The following DNAJC15 variants were observed in gnomAD, a reference collection of about 807,000 sequenced individuals.
DNAJC15 encodes the protein DnaJ heat shock protein family (Hsp40) member C15.
Under a neutral mutation model 22.4 loss-of-function variants are expected in DNAJC15, and 27 were observed. The ratio of observed to expected loss-of-function variants is 1.20; its 90% CI spans 0.89 to 1.66. The LOEUF is 1.66. Among genes scored for constraint, DNAJC15 ranks in the 40% most tolerant of loss-of-function variants. DNAJC15 has a pLI of 0.00. For synonymous variants in DNAJC15, 79 were observed against 63.2 expected, an observed-to-expected ratio of 1.25 and a Z score of -1.19; for missense variants, 208 against 187.1, an observed-to-expected ratio of 1.11 and a Z score of -0.65.
At chr13:43,087,464 A>G (rs1327371841) in intron 5 of DNAJC15, among the ~76,000 whole-genome samples, 1 of 152,240 alleles carries the variant, frequency 6.6e-6, no homozygotes, top group Non-Finnish European at 1.5e-5. Flanking sequence ...TGGGAAGCTA[A>G]CAGATTTTAA....
chr13:43,102,628 T>C (rs183055743), intron 5 of DNAJC15, among the ~76,000 whole-genome samples: 225 of 152,108 alleles, frequency 1.5e-3, no homozygotes, highest in Non-Finnish European at 2.6e-3. Flanking sequence ...AATTAATAAA[T>C]ATATATTTAT....
rs537144534 is a variant in DNAJC15 at position 43,084,944 on chromosome 13, G to A, written c.312-824G>A. On this transcript the variant is annotated intron_variant, in intron 4 of 5. Transcript: ENST00000379221. ...ATTCCAGGTACTGTTCTAACATTTC[G>A]TAGGCATTAACTCATTTAATCCTTA... Among the ~76,000 whole-genome samples the A allele has an allele frequency of 6.6e-5, 10 of 152,176 alleles. No individual in the cohort carries two copies. In the South Asian group the frequency reaches 8.3e-4, roughly 13 times the overall value.
At chr13:43,089,917 T>C (rs1183887446) in intron 5 of DNAJC15, among the ~76,000 whole-genome samples, 2 of 152,208 alleles carry the variant, frequency 1.3e-5, no homozygotes, top group African/African-American at 2.4e-5. Context: ...ACTGATGGTG[T>C]AAAAATATTG....
At chr13:43,023,794 C>T in intron 1 of DNAJC15, 60 bp downstream of exon 1, 1 of 1,439,754 alleles carries the variant, frequency 6.9e-7, no homozygotes. Context: ...TGCTTCAGCC[C>T]CCTCTACCGC....
chr13:43,063,049 G>A (rs541713331), intron 1 of DNAJC15, among the ~76,000 whole-genome samples: 31 of 151,698 alleles, frequency 2.0e-4, no homozygotes, highest in Admixed American at 3.9e-4. Flanking sequence ...CTCATCTGTC[G>A]CCCAGGCTGG....
chr13:43,059,565 A>G (rs1242597312), intron 1 of DNAJC15, among the ~76,000 whole-genome samples: 2 of 152,124 alleles, frequency 1.3e-5, no homozygotes, highest in African/African-American at 4.8e-5. Context: ...CACACCCAGG[A>G]TCTTTCTTTT....
intron 3 of DNAJC15, among the ~76,000 whole-genome samples, chr13:43,077,468 C>T (rs1370261504): frequency 6.6e-6 from 1 of 152,136 alleles, no homozygotes; most frequent in African/African-American, 2.4e-5. Flanking sequence ...TGTAGTTATC[C>T]CAAGTTGGGG....
intron 5 of DNAJC15, among the ~76,000 whole-genome samples, chr13:43,094,375 T>C (rs1308313552): frequency 6.6e-6 from 1 of 152,252 alleles, no homozygotes; most frequent in African/African-American, 2.4e-5. Context: ...GGTTCCACCC[T>C]AGACCTACTT....
rs559947322 is a variant in DNAJC15, at chr13:43,032,770, A to C, written c.108+9036A>C. On this transcript the variant is annotated intron_variant, in intron 1 of 5. Coordinates refer to ENST00000379221, the MANE Select transcript of DNAJC15 (RefSeq NM_013238.3). ...AACCCGGGAGGTGGAGGCTACAGTG[A>C]ACCCAGATCACACCACTGCACTGTA... Among the ~76,000 whole-genome samples, 214 of 152,306 alleles carry C rather than the reference A, an allele frequency of 1.4e-3. 2 individuals are homozygous for C. The highest frequency in any genetic ancestry group is 8.9e-3 in the South Asian group (43 of 4,826).
At chr13:43,082,952 ATTAT>A (rs1192423338) in intron 4 of DNAJC15, among the ~76,000 whole-genome samples, 1 of 151,494 alleles carries the variant, frequency 6.6e-6, no homozygotes, top group African/African-American at 2.4e-5. Context: ...AACTTATCTC[ATTAT>A]TTAGAGGGCC....
At chr13:43,064,907 C>T (rs1232352353) in intron 1 of DNAJC15, among the ~76,000 whole-genome samples, 1 of 150,896 alleles carries the variant, frequency 6.6e-6, no homozygotes, top group East Asian at 1.9e-4. Context: ...CATAGCCATA[C>T]CTAAATCTAA....
rs538311361 is a variant in DNAJC15 at position 43,066,109 on chromosome 13, T to G, written c.160+372T>G. On this transcript the variant is annotated intron_variant, in intron 2 of 5. Transcript: ENST00000379221. The stretch of plus-strand genomic sequence containing the variant: ...TTCTTGCAGACAGGTTTATACATTT[T>G]AAGCTGTCAGTTCTTTCTCATGAGC... Among the ~76,000 whole-genome samples, 5 of 152,342 alleles carry G rather than the reference T, an allele frequency of 3.3e-5. No homozygotes were observed. The South Asian group carries it at 1.0e-3, about 32-fold the overall frequency.
Position 43,102,823 on chromosome 13 carries a change from G to A in DNAJC15, c.383-4355G>A, listed in dbSNP as rs554358528. ...GGTTTCCTTGTGACATTTTCATTAG[G>A]GTTTGTTATCAAAGATATGCCAGCC... On this transcript the variant is annotated intron_variant, in intron 5 of 5. Transcript: ENST00000379221. Among the ~76,000 whole-genome samples the A allele has an allele frequency of 3.9e-5, 6 of 151,922 alleles. No individual in the cohort carries two copies. In the South Asian group the frequency reaches 1.2e-3, roughly 32 times the overall value.
intron 1 of DNAJC15, among the ~76,000 whole-genome samples, chr13:43,049,939 A>G (rs1025958152): frequency 6.6e-6 from 1 of 152,144 alleles, no homozygotes; most frequent in Admixed American, 6.5e-5. Flanking sequence ...TTTGTTTGAG[A>G]CAGAGTCTTG....
At position 43,023,735 on chromosome 13, in the gene DNAJC15, G is replaced by C. The variant is rs2040363885; in HGVS notation, c.108+1G>C. On this transcript the variant is annotated splice_donor_variant, in intron 1 of 5. Transcript: ENST00000379221. LOFTEE classifies it high-confidence loss of function. ...CGCCGACGTCGACCAGCAGAGACTG[G>C]TGAGTCCTGCCAGCGGCCCCCACCC... 6.2e-7 allele frequency: 1 copy of C among 1,605,700 alleles called. No individual in the cohort carries two copies. Among genetic ancestry groups the C allele is most frequent in the Non-Finnish European group, 8.5e-7 (1 of 1,176,538 alleles).
intron 4 of DNAJC15, among the ~76,000 whole-genome samples, chr13:43,082,815 A>G (rs1199090110): frequency 1.3e-5 from 2 of 151,848 alleles, no homozygotes; most frequent in African/African-American, 4.8e-5. Flanking sequence ...ATCTTCTAAA[A>G]AAATACAATG....
intron 1 of DNAJC15, among the ~76,000 whole-genome samples, chr13:43,024,337 G>GTTTTTTTTT (rs376910976): frequency 3.6e-4 from 34 of 93,384 alleles, no homozygotes; most frequent in Non-Finnish European, 4.3e-4. Flanking sequence ...GTATTTTTAC[G>GTTTTTTTTT]TTTTTTTTTT....
At chr13:43,043,765 A>G (rs2040464422) in intron 1 of DNAJC15, among the ~76,000 whole-genome samples, 1 of 152,222 alleles carries the variant, frequency 6.6e-6, no homozygotes, top group Admixed American at 6.5e-5. Flanking sequence ...TAAGCAACTT[A>G]AAAACAGAGC....
chr13:43,030,368 C>T (rs2040398925), intron 1 of DNAJC15, among the ~76,000 whole-genome samples: 1 of 152,192 alleles, frequency 6.6e-6, no homozygotes, highest in Admixed American at 6.5e-5. Flanking sequence ...GTAACCATTT[C>T]AGGCTCTGCA....
Sources: allele counts gnomAD v4.1 joint callset (sites outside exome capture counted in the v4.1 genomes callset), GRCh38; gene constraint gnomAD v4.1.1; transcripts MANE v1.5; gene names NCBI Gene and HGNC (gene_info 2026-07-23, HGNC 2026-07-21).